The following KIRREL3 variants were observed in gnomAD, a reference collection of about 807,000 sequenced individuals.
KIRREL3 encodes kirre like nephrin family adhesion molecule 3, also known as kin of IRRE-like protein 3.
In KIRREL3, 36 loss-of-function variants were observed where a neutral mutation model predicts 89.7. That is an observed-to-expected ratio of 0.40 (90% CI 0.31 to 0.53). KIRREL3 has a LOEUF of 0.53. Among genes scored for constraint, KIRREL3 ranks in the 20% least tolerant of loss-of-function variants. The probability of loss-of-function intolerance (pLI) is 0.49; values close to 1 mark genes in which losing one functional copy is unlikely to be tolerated. For missense variants in KIRREL3, 864 were observed against 1,056.6 expected (o/e 0.82, Z 2.53); for synonymous variants, 445 against 441.4 (o/e 1.01, Z -0.10).
intron 7 of KIRREL3, among the ~76,000 whole-genome samples, chr11:126,449,636 C>G (rs1399758361): frequency 6.6e-6 from 1 of 152,038 alleles, no homozygotes; most frequent in African/African-American, 2.4e-5. Context: ...TGCACGAGCA[C>G]ACACACACAC....
chr11:126,652,969 A>C lies in KIRREL3; in HGVS notation c.56-90057T>G, dbSNP rs761586004. On this transcript the variant is annotated intron_variant, in intron 1 of 16. Coordinates refer to ENST00000525144, the MANE Select transcript of KIRREL3 (RefSeq NM_032531.4). The surrounding 1 kb of genome is among the most constrained non-coding windows in gnomAD (Gnocchi z 4.9). Reference sequence around the variant, plus strand: ...TAATTTATATTTGATTAAAAAAGTCATTCATTCATGCATTCAGCAGCCAGT... The same window carrying C: ...TAATTTATATTTGATTAAAAAAGTCCTTCATTCATGCATTCAGCAGCCAGT... 1.3e-5 allele frequency: 2 copies of C among 151,756 alleles called. No homozygotes were observed. Among genetic ancestry groups the C allele is most frequent in the Non-Finnish European group, 2.9e-5 (2 of 68,014 alleles). The allele number at this position is 151,756 out of a possible 1,614,324, so 9.4% of individuals were successfully genotyped here. A position where few individuals can be genotyped will look rare whatever the true frequency, so the allele number is the denominator to read the frequency against.
intron 2 of KIRREL3, among the ~76,000 whole-genome samples, chr11:126,539,900 T>C (rs374558379): frequency 9.2e-5 from 14 of 152,214 alleles, no homozygotes; most frequent in African/African-American, 3.4e-4. Flanking sequence ...TATGGAAAGT[T>C]ATAGATGTTG....
Position 126,484,641 on chromosome 11 carries a change from T to C in KIRREL3, c.434-11175A>G, listed in dbSNP as rs1339995954. Among the ~76,000 whole-genome samples, 1 of 152,222 alleles carries C rather than the reference T, an allele frequency of 6.6e-6. No individual in the cohort carries two copies. The highest frequency in any genetic ancestry group is 1.5e-5 in the Non-Finnish European group (1 of 68,040). On this transcript the variant is annotated intron_variant, in intron 4 of 16. Coordinates refer to ENST00000525144, the MANE Select transcript of KIRREL3 (RefSeq NM_032531.4). This position sits in a 1 kb window ranked among gnomAD's most constrained non-coding sequence, Gnocchi z 5.2. ...TAAAAAATGGTAGTGTAAGTATGTT[T>C]ATCTGAAATTCACATTTAACAGGGA... is the stretch of plus-strand genomic sequence containing the variant.
At position 126,641,416 on chromosome 11, in the gene KIRREL3, C is replaced by T. The variant is rs1193856415; in HGVS notation, c.56-78504G>A. Among the ~76,000 whole-genome samples, 1 of 152,050 alleles carries T rather than the reference C, an allele frequency of 6.6e-6. No homozygotes were observed. The highest frequency in any genetic ancestry group is 2.4e-5 in the African/African-American group (1 of 41,390). ...AAGCTACTTGCCACTCTCATCAGAT[C>T]AGGGTGCAGGGTGTCATGAGTTTTA... On this transcript the variant is annotated intron_variant, in intron 1 of 16. Transcript: ENST00000525144. This position sits in a 1 kb window ranked among gnomAD's most constrained non-coding sequence, Gnocchi z 5.0.
chr11:126,700,801 C>A (rs568339120), intron 1 of KIRREL3, among the ~76,000 whole-genome samples: 2 of 152,300 alleles, frequency 1.3e-5, no homozygotes, highest in East Asian at 1.9e-4. Flanking sequence ...TTGTGATGGG[C>A]AAATATCTCT....
rs190661842 is a variant in KIRREL3, at chr11:126,921,842, A to G, written c.55+78613T>C. ...CTTCCTGCCTTCCTATCTATTATCT[A>G]TCTATCATCTATCTTTCTGTCATCC... On this transcript the variant is annotated intron_variant, in intron 1 of 16. Transcript: ENST00000525144. 1.3e-3 allele frequency among the ~76,000 whole-genome samples: 189 copies of G among 148,678 alleles called. 1 individual carries two copies. Among genetic ancestry groups the G allele is most frequent in the Middle Eastern group, 4.4e-3 (1 of 228 alleles).
At chr11:126,998,828 C>T (rs751490774) in intron 1 of KIRREL3, among the ~76,000 whole-genome samples, 1 of 151,822 alleles carries the variant, frequency 6.6e-6, no homozygotes, top group Non-Finnish European at 1.5e-5. Context: ...TGTGTGTTTA[C>T]GGGGGGTTGG....
intron 1 of KIRREL3, among the ~76,000 whole-genome samples, chr11:126,646,087 T>G (rs954191130): frequency 2.0e-5 from 3 of 152,066 alleles, no homozygotes; most frequent in Admixed American, 2.0e-4. Context: ...GCAATAATGC[T>G]TTACAGCCGG....
chr11:126,863,119 C>T (rs1463688076), intron 1 of KIRREL3, among the ~76,000 whole-genome samples: 1 of 152,252 alleles, frequency 6.6e-6, no homozygotes, highest in East Asian at 1.9e-4. Flanking sequence ...CTGCTGGTGA[C>T]TTGCTGCCTG....
Position 126,877,093 on chromosome 11 carries a change from G to A in KIRREL3, c.55+123362C>T, listed in dbSNP as rs1055354131. Among the ~76,000 whole-genome samples, 11 of 152,180 alleles carry A rather than the reference G, an allele frequency of 7.2e-5. No individual in the cohort carries two copies. The highest frequency in any genetic ancestry group is 2.1e-4 in the South Asian group (1 of 4,822). On this transcript the variant is annotated intron_variant, in intron 1 of 16. Coordinates refer to ENST00000525144, the MANE Select transcript of KIRREL3 (RefSeq NM_032531.4). The surrounding 1 kb of genome is among the most constrained non-coding windows in gnomAD (Gnocchi z 4.9). ...CAGGGCTGGGGACCTCTTGCAGGGCGACGAGGAGATCTGACAGATGTTCCA... is the reference window on the plus strand; with the variant it reads ...CAGGGCTGGGGACCTCTTGCAGGGCAACGAGGAGATCTGACAGATGTTCCA...
At position 126,812,945 on chromosome 11, in the gene KIRREL3, C is replaced by T. The variant is rs539826811; in HGVS notation, c.55+187510G>A. 5.9e-5 allele frequency among the ~76,000 whole-genome samples: 9 copies of T among 152,298 alleles called. No homozygotes were observed. Among genetic ancestry groups the T allele is most frequent in the African/African-American group, 1.4e-4 (6 of 41,544 alleles). Reference sequence around the variant, plus strand: ...TTGGAGGTTGTTGGGCTGCAGTTCACGGCCCAGGTGAGACCACACTGCAGA... The same window carrying T: ...TTGGAGGTTGTTGGGCTGCAGTTCATGGCCCAGGTGAGACCACACTGCAGA... On this transcript the variant is annotated intron_variant, in intron 1 of 16. Coordinates refer to ENST00000525144, the MANE Select transcript of KIRREL3 (RefSeq NM_032531.4). This position sits in a 1 kb window ranked among gnomAD's most constrained non-coding sequence, Gnocchi z 5.2.
intron 1 of KIRREL3, among the ~76,000 whole-genome samples, chr11:126,854,923 G>A (rs1321270536): frequency 1.3e-5 from 2 of 152,128 alleles, no homozygotes; most frequent in African/African-American, 2.4e-5. Context: ...CACAGCCCTC[G>A]TTATAGTCCT....
chr11:126,727,937 G>A (rs1304270030), intron 1 of KIRREL3, among the ~76,000 whole-genome samples: 1 of 152,014 alleles, frequency 6.6e-6, no homozygotes, highest in Non-Finnish European at 1.5e-5. Context: ...GAGACCCGGA[G>A]GGAAGGAATT....
At chr11:126,885,857 A>G (rs748717258) in intron 1 of KIRREL3, among the ~76,000 whole-genome samples, 1 of 152,202 alleles carries the variant, frequency 6.6e-6, no homozygotes, top group Non-Finnish European at 1.5e-5. Context: ...CAAATGTTTC[A>G]TCTAAAAAAG....
At chr11:126,836,705 G>A (rs1943793700) in intron 1 of KIRREL3, among the ~76,000 whole-genome samples, 7 of 152,156 alleles carry the variant, frequency 4.6e-5, no homozygotes. Flanking sequence ...GTCAATAAAA[G>A]AGTTATCATC....
rs1565641957 is a variant in KIRREL3 at position 126,677,051 on chromosome 11, G to T, written c.56-114139C>A. Among the ~76,000 whole-genome samples the T allele has an allele frequency of 6.6e-6, 1 of 151,084 alleles. No homozygotes were observed. Among genetic ancestry groups the T allele is most frequent in the Non-Finnish European group, 1.5e-5 (1 of 67,876 alleles). On this transcript the variant is annotated intron_variant, in intron 1 of 16. Transcript: ENST00000525144. The surrounding 1 kb of genome is among the most constrained non-coding windows in gnomAD (Gnocchi z 5.1). ...GATCCTCCCGCCTTGGCCTCTCAAA[G>T]ATTTTTTTTTTTTAACAGCTGTATT...
intron 1 of KIRREL3, among the ~76,000 whole-genome samples, chr11:126,958,502 T>C (rs1948989481): frequency 1.3e-5 from 2 of 152,214 alleles, no homozygotes. Flanking sequence ...ACTCAGCACT[T>C]GGGTCAGCCC....
At chr11:126,542,384 G>T (rs1184487613) in intron 2 of KIRREL3, among the ~76,000 whole-genome samples, 1 of 152,168 alleles carries the variant, frequency 6.6e-6, no homozygotes, top group Non-Finnish European at 1.5e-5. Flanking sequence ...GAAGAGCAGG[G>T]TGTGTATAAT....
rs1947658762 is a variant in KIRREL3, at chr11:126,709,171, G to A, written c.56-146259C>T. On this transcript the variant is annotated intron_variant, in intron 1 of 16. Transcript: ENST00000525144. This position sits in a 1 kb window ranked among gnomAD's most constrained non-coding sequence, Gnocchi z 4.0. ...TACCGTCAACGACCATATAAAGTGT[G>A]TTTGATTATCCTTAAGCAAAAAGGT... Among the ~76,000 whole-genome samples, 1 of 152,214 alleles carries A rather than the reference G, an allele frequency of 6.6e-6. No homozygotes were observed. The highest frequency in any genetic ancestry group is 1.5e-5 in the Non-Finnish European group (1 of 68,046).
Sources: allele counts gnomAD v4.1 joint callset (sites outside exome capture counted in the v4.1 genomes callset), GRCh38; gene constraint gnomAD v4.1.1; non-coding constraint Gnocchi (gnomAD v3.1); transcripts MANE v1.5; gene names NCBI Gene and HGNC (gene_info 2026-07-23, HGNC 2026-07-21).